Variants in SLC8A3 observed in about 807,000 individuals in gnomAD.
SLC8A3 encodes the protein solute carrier family 8 member A3, also known as sodium/calcium exchanger 3.
SLC8A3 carries 37 observed loss-of-function variants against 65.4 expected under a neutral mutation model. The observed-to-expected ratio is 0.57, with a 90% CI of 0.44 to 0.74. SLC8A3 has a LOEUF of 0.74. SLC8A3 is among the 30% of genes least tolerant of loss of function. The probability of loss-of-function intolerance (pLI) is 0.00; values close to 1 mark genes in which losing one functional copy is unlikely to be tolerated. For missense variants in SLC8A3, 1,112 were observed against 1,172.1 expected (o/e 0.95, Z 0.75); for synonymous variants, 461 against 444.5 (o/e 1.04, Z -0.47).
In SLC8A3 at chr14:70,078,049, G is replaced by A. The variant is rs138456535; in HGVS notation, c.1785-17110C>T. 2.6e-5 allele frequency among the ~76,000 whole-genome samples: 4 copies of A among 152,310 alleles called. No individual in the cohort carries two copies. In the East Asian group the frequency reaches 7.7e-4, roughly 29 times the overall value. On this transcript the variant is annotated intron_variant, in intron 2 of 6. Transcript: ENST00000356921. Reference sequence around the variant, plus strand: ...CAGCTGACAGGAGCCAGCCAGGAAGGCCTCCTGATCCCTTGGTTAAAAACA... The same window carrying A: ...CAGCTGACAGGAGCCAGCCAGGAAGACCTCCTGATCCCTTGGTTAAAAACA...
intron 2 of SLC8A3, among the ~76,000 whole-genome samples, chr14:70,095,039 A>G (rs1892069563): frequency 6.6e-6 from 1 of 152,164 alleles, no homozygotes; most frequent in Non-Finnish European, 1.5e-5. Context: ...CTGAGCCTCC[A>G]TTTGCTTATC....
At chr14:70,056,739 A>G (rs1888165747) in intron 3 of SLC8A3, among the ~76,000 whole-genome samples, 1 of 152,224 alleles carries the variant, frequency 6.6e-6, no homozygotes, top group Admixed American at 6.5e-5. Context: ...AGAAACTGTC[A>G]TACCAACAGC....
At chr14:70,079,330 C>CAAAA (rs11464342) in intron 2 of SLC8A3, among the ~76,000 whole-genome samples, 6 of 80,928 alleles carry the variant, frequency 7.4e-5, no homozygotes, top group Non-Finnish European at 1.2e-4. Flanking sequence ...CTAAAAAATA[C>CAAAA]AAAAAAAAAA....
At chr14:70,060,695 G>A in intron 3 of SLC8A3, 141 bp downstream of exon 3, 1 of 762,092 alleles carries the variant, frequency 1.3e-6, no homozygotes, top group Admixed American at 1.7e-5. Context: ...AAATCCATTG[G>A]TCAAAAAGAG....
At chr14:70,108,505 T>C (rs1304147697) in intron 2 of SLC8A3, among the ~76,000 whole-genome samples, 1 of 152,180 alleles carries the variant, frequency 6.6e-6, no homozygotes, top group African/African-American at 2.4e-5. Context: ...GCCAATTTCT[T>C]TTGCTGCTTC....
intron 2 of SLC8A3, among the ~76,000 whole-genome samples, chr14:70,114,384 T>A (rs1001262310): frequency 3.3e-5 from 5 of 152,216 alleles, no homozygotes; most frequent in Non-Finnish European, 5.9e-5. Flanking sequence ...GGGAATAGAC[T>A]GAGATCTCTT....
intron 2 of SLC8A3, among the ~76,000 whole-genome samples, chr14:70,157,276 C>T (rs781532026): frequency 6.6e-6 from 1 of 152,182 alleles, no homozygotes; most frequent in African/African-American, 2.4e-5. Flanking sequence ...CTAAGTGACT[C>T]TGTCTACCAC....
intron 2 of SLC8A3, among the ~76,000 whole-genome samples, chr14:70,164,386 G>A (rs181444946): frequency 3.2e-4 from 48 of 152,184 alleles, no homozygotes; most frequent in African/African-American, 1.2e-3. Context: ...TCATTATTCT[G>A]CAATGAATGA....
rs1338205691 is a variant in SLC8A3, at chr14:70,167,921, A to G, written c.502T>C (p.Ser168Pro). ...HGFIAGDLGPSTIVGSAAFNM... is the reference protein window; with the variant it reads ...HGFIAGDLGPPTIVGSAAFNM... ...AAGGCTGCACTCCCTACAATGGTAG[A>G]AGGTCCCAGATCACCAGCAATGAAC... Residue 168 changes from serine to proline, a missense_variant, in exon 2 of 7, where the codon TCT becomes CCT. Coordinates refer to ENST00000356921, the MANE Select transcript of SLC8A3 (RefSeq NM_182932.3). 3 of 1,614,064 alleles carry G rather than the reference A, an allele frequency of 1.9e-6. No homozygotes were observed. The Admixed American group carries it at 5.0e-5, about 27-fold the overall frequency.
intron 2 of SLC8A3, among the ~76,000 whole-genome samples, chr14:70,064,823 T>C (rs1477454446): frequency 1.3e-5 from 2 of 152,230 alleles, no homozygotes; most frequent in African/African-American, 4.8e-5. Context: ...CCAATTTTAG[T>C]CACCCTGTTC....
At chr14:70,128,256 T>G (rs1426865920) in intron 2 of SLC8A3, among the ~76,000 whole-genome samples, 3 of 152,198 alleles carry the variant, frequency 2.0e-5, no homozygotes, top group African/African-American at 7.2e-5. Context: ...CCTGTCCCTT[T>G]CAATGGACAC....
intron 3 of SLC8A3, among the ~76,000 whole-genome samples, chr14:70,054,738 TA>T (rs913933906): frequency 1.3e-5 from 2 of 152,152 alleles, no homozygotes; most frequent in African/African-American, 4.8e-5. Context: ...AAGAAAAATG[TA>T]GGAGTTACCT....
rs1025324102 is a variant in SLC8A3, at chr14:70,148,634, G to A, written c.1784+18005C>T. On this transcript the variant is annotated intron_variant, in intron 2 of 6. Transcript: ENST00000356921. The stretch of plus-strand genomic sequence containing the variant: ...TTGAGAGCAGCAGGGTTTACAAAGC[G>A]ACAAGGTAAGAATGCTGGGTCCCTC... Among the ~76,000 whole-genome samples, 16 of 152,250 alleles carry A rather than the reference G, an allele frequency of 1.1e-4. No individual in the cohort carries two copies. The South Asian group carries it at 1.2e-3, about 12-fold the overall frequency.
chr14:70,057,408 T>C (rs1409982746), intron 3 of SLC8A3, among the ~76,000 whole-genome samples: 1 of 152,074 alleles, frequency 6.6e-6, no homozygotes, highest in African/African-American at 2.4e-5. Context: ...CCAGGGGAGA[T>C]CAGAGATCCC....
chr14:70,068,208 T>C (rs114558987), intron 2 of SLC8A3, among the ~76,000 whole-genome samples: 229 of 152,310 alleles, frequency 1.5e-3, no homozygotes, highest in African/African-American at 5.3e-3. Flanking sequence ...TCTTTAGCCA[T>C]TGAGTTCCTT....
chr14:70,090,457 T>C (rs1311964772), intron 2 of SLC8A3, among the ~76,000 whole-genome samples: 1 of 152,236 alleles, frequency 6.6e-6, no homozygotes, highest in Non-Finnish European at 1.5e-5. Context: ...GGTCACATTT[T>C]ACCCCTAGAA....
chr14:70,095,519 C>T (rs754677390), intron 2 of SLC8A3, among the ~76,000 whole-genome samples: 10 of 152,214 alleles, frequency 6.6e-5, no homozygotes, highest in Non-Finnish European at 1.3e-4. Flanking sequence ...GCTTCCTTCC[C>T]GGCCTCCTTG....
intron 2 of SLC8A3, among the ~76,000 whole-genome samples, chr14:70,161,699 T>C (rs1046043007): frequency 6.6e-6 from 1 of 152,148 alleles, no homozygotes; most frequent in Non-Finnish European, 1.5e-5. Flanking sequence ...AGGCAAATCA[T>C]CTCCCTCTGT....
chr14:70,130,246 A>G (rs1270829660), intron 2 of SLC8A3, among the ~76,000 whole-genome samples: 3 of 152,222 alleles, frequency 2.0e-5, no homozygotes, highest in African/African-American at 7.2e-5. Context: ...GAGATTTAAT[A>G]ACTTTCCTTA....
Sources: allele counts gnomAD v4.1 joint callset (sites outside exome capture counted in the v4.1 genomes callset), GRCh38; gene constraint gnomAD v4.1.1; transcripts MANE v1.5; gene names NCBI Gene and HGNC (gene_info 2026-07-23, HGNC 2026-07-21).